HYDIN: variants seen among roughly 807,000 people sequenced by gnomAD.
HYDIN encodes HYDIN axonemal central pair apparatus protein.
Under a neutral mutation model 403.9 loss-of-function variants are expected in HYDIN, and 132 were observed. The ratio of observed to expected loss-of-function variants is 0.33; its 90% CI spans 0.28 to 0.38. The LOEUF (loss-of-function observed/expected upper bound fraction) is 0.38. Ranked by LOEUF, HYDIN falls within the 10% of genes least tolerant of loss-of-function variation. HYDIN has a pLI of 1.00. For missense variants in HYDIN, 2,827 were observed against 5,009.5 expected, an observed-to-expected ratio of 0.56 and a Z score of 13.15; for synonymous variants, 1,202 against 1,891.7, an observed-to-expected ratio of 0.64 and a Z score of 9.46.
intron 53 of HYDIN, among the ~76,000 whole-genome samples, chr16:70,896,717 T>C (rs2076216052): frequency 1.5e-5 from 2 of 137,748 alleles, no homozygotes; most frequent in Non-Finnish European, 3.1e-5. Context: ...GCCCTGACAG[T>C]TGAAATGGAA....
At chr16:71,096,141 G>A (rs1445276463) in intron 10 of HYDIN, among the ~76,000 whole-genome samples, 6 of 152,152 alleles carry the variant, frequency 3.9e-5, no homozygotes, top group Admixed American at 2.6e-4. Context: ...ACATGTATCC[G>A]TGAACAATTT....
chr16:70,974,894 C>T (rs2078844427), intron 31 of HYDIN, among the ~76,000 whole-genome samples: 1 of 152,208 alleles, frequency 6.6e-6, no homozygotes, highest in South Asian at 2.1e-4. Context: ...TCAGCATGGG[C>T]CCTTATGGAC....
At chr16:71,114,092 C>A (rs940476027) in intron 10 of HYDIN, 2 of 151,258 alleles carry the variant, frequency 1.3e-5, no homozygotes, top group African/African-American at 4.9e-5. Flanking sequence ...CTGGGATAAA[C>A]CAAGATAGCA....
intron 19 of HYDIN, among the ~76,000 whole-genome samples, chr16:71,028,586 G>T (rs952595190): frequency 6.6e-6 from 1 of 150,968 alleles, no homozygotes. Context: ...TTCCCCACAG[G>T]CTTACTTTAA....
chr16:70,883,842 A>G (rs1488037429), intron 59 of HYDIN, 78 bp downstream of exon 59: 41 of 1,526,530 alleles, frequency 2.7e-5, no homozygotes, highest in Non-Finnish European at 3.6e-5. Context: ...AAGTGCTGGG[A>G]TCACAAGCGT....
Position 71,179,054 on chromosome 16 carries a change from T to C in HYDIN, c.262-7A>G. ...CCAGGTCAATTCCTGAAAACTTCAG[T>C]TGAAAGAGTAAATTATTGTTATAGT... On this transcript the variant is annotated splice_region_variant and splice_polypyrimidine_tract_variant and intron_variant, in intron 3 of 85. Transcript: ENST00000393567. 1 of 1,605,870 alleles carries C rather than the reference T, an allele frequency of 6.2e-7. No homozygotes were observed. The highest frequency in any genetic ancestry group is 8.5e-7 in the Non-Finnish European group (1 of 1,175,694).
rs2035036487 is a variant in HYDIN at position 70,804,813 on chromosome 16, C to T, written c.*2767G>A. 3.3e-5 allele frequency among the ~76,000 whole-genome samples: 5 copies of T among 152,120 alleles called. No individual in the cohort carries two copies. The South Asian group carries it at 1.0e-3, about 32-fold the overall frequency. On this transcript the variant is annotated 3_prime_UTR_variant, in exon 86 of 86. Coordinates refer to ENST00000393567, the MANE Select transcript of HYDIN (RefSeq NM_001270974.2). ...AACCTGGGTTCGTTTTTGTTTCTCCCCCTCCCTTCTCCCTGATCACTTTTA... is the reference window on the plus strand; with the variant it reads ...AACCTGGGTTCGTTTTTGTTTCTCCTCCTCCCTTCTCCCTGATCACTTTTA...
chr16:71,217,853 T>C (rs1472858240), intron 1 of HYDIN, among the ~76,000 whole-genome samples: 4 of 152,212 alleles, frequency 2.6e-5, no homozygotes, highest in Admixed American at 1.3e-4. Flanking sequence ...TGCTGAGGTC[T>C]GGTCCAAGAG....
chr16:70,908,413 G>A lies in HYDIN; in HGVS notation c.8235C>T (p.Ile2745=), dbSNP rs201341793. The stretch of plus-strand genomic sequence containing the variant: ...ACGTTACCTCGCCATTGGCTGGCAC[G>A]ATCCACCGGAAGTGATTCAGTCTGC... ...KFTRLNHFRW[I]VPANGEVTLQ... Residue 2745 remains isoleucine (I), a synonymous_variant, in exon 49 of 86, where the codon ATC becomes ATT. Coordinates refer to ENST00000393567, the MANE Select transcript of HYDIN (RefSeq NM_001270974.2). 4.1e-6 allele frequency: 5 copies of A among 1,214,666 alleles called. No homozygotes were observed. The highest frequency in any genetic ancestry group is 1.5e-5 in the African/African-American group (1 of 65,776). The allele number at this position is 1,214,666 out of a possible 1,614,324, so 75.2% of individuals were successfully genotyped here.
At chr16:70,931,162 A>T (rs12921610) in intron 45 of HYDIN, among the ~76,000 whole-genome samples, 3 of 146,854 alleles carry the variant, frequency 2.0e-5, no homozygotes, top group Admixed American at 1.4e-4. Context: ...GAGCAAATAA[A>T]TTTTTTTTAA....
chr16:70,865,816 A>T lies in HYDIN; in HGVS notation c.11471+353T>A, dbSNP rs562990559. Among the ~76,000 whole-genome samples, 82 of 152,304 alleles carry T rather than the reference A, an allele frequency of 5.4e-4. 1 individual carries two copies. In the South Asian group the frequency reaches 0.016, roughly 29 times the overall value. The stretch of plus-strand genomic sequence containing the variant: ...GCTTCTAAGCTTAGATGGATCCTAT[A>T]CCCACCAGTGTGGATATTGTCTGGG... On this transcript the variant is annotated intron_variant, in intron 67 of 85. Transcript: ENST00000393567.
intron 36 of HYDIN, among the ~76,000 whole-genome samples, chr16:70,967,707 C>G (rs1267097195): frequency 1.3e-5 from 2 of 152,150 alleles, no homozygotes; most frequent in East Asian, 3.9e-4. Flanking sequence ...AGGATGGTCT[C>G]GATCTCCTGA....
chr16:71,200,621 A>T (rs574516828), intron 1 of HYDIN, among the ~76,000 whole-genome samples: 6 of 152,318 alleles, frequency 3.9e-5, no homozygotes, highest in East Asian at 3.9e-4. Flanking sequence ...CCAAAAGTGA[A>T]TTTTTTATTT....
chr16:71,204,575 T>A (rs1471736999), intron 1 of HYDIN, among the ~76,000 whole-genome samples: 1 of 152,248 alleles, frequency 6.6e-6, no homozygotes, highest in Non-Finnish European at 1.5e-5. Context: ...TCAAATGTAA[T>A]TCTTTTAATT....
At chr16:71,198,729 T>G (rs111753716) in intron 1 of HYDIN, among the ~76,000 whole-genome samples, 3 of 152,314 alleles carry the variant, frequency 2.0e-5, no homozygotes, top group African/African-American at 4.8e-5. Flanking sequence ...GGGACTGGAT[T>G]GCAATGAATC....
chr16:70,944,009 C>T (rs533569178), intron 41 of HYDIN, 60 bp from the exon 42 acceptor site: 9 of 1,257,282 alleles, frequency 7.2e-6, no homozygotes, highest in Admixed American at 2.0e-5. Flanking sequence ...ACAACTCCTA[C>T]ACTTACCAGC....
chr16:71,187,593 A>G (rs908170554), intron 1 of HYDIN, among the ~76,000 whole-genome samples: 2 of 152,158 alleles, frequency 1.3e-5, no homozygotes, highest in East Asian at 1.9e-4. Context: ...ATTGTGCTAA[A>G]AAAGAGAACT....
chr16:70,922,908 C>T (rs1024752269), intron 45 of HYDIN, among the ~76,000 whole-genome samples: 1 of 147,628 alleles, frequency 6.8e-6, no homozygotes, highest in Non-Finnish European at 1.5e-5. Context: ...CTTGGGACTA[C>T]AGGCATGTGC....
At chr16:71,185,491 G>A (rs1249857190) in intron 2 of HYDIN, among the ~76,000 whole-genome samples, 1 of 152,068 alleles carries the variant, frequency 6.6e-6, no homozygotes, top group African/African-American at 2.4e-5. Context: ...AAAGATCTAG[G>A]AAGTGTGACT....
Sources: gnomAD v4.1 joint callset for allele counts (sites outside exome capture counted in the v4.1 genomes callset) on GRCh38, gnomAD v4.1.1 for gene constraint, MANE v1.5 for transcripts, NCBI Gene and HGNC (gene_info 2026-07-23, HGNC 2026-07-21) for gene names.